Variants in USP34 observed in about 807,000 individuals in gnomAD.
USP34 encodes the protein ubiquitin specific peptidase 34.
A neutral mutation model predicts 460.3 loss-of-function variants in USP34; 70 were observed. The observed-to-expected ratio is 0.15, with a 90% CI of 0.13 to 0.19. USP34 has a LOEUF of 0.19. Among genes scored for constraint, USP34 ranks in the 10% least tolerant of loss-of-function variants. The pLI is 1.00. For missense variants in USP34, 3,985 were observed against 4,236.2 expected, an observed-to-expected ratio of 0.94 and a Z score of 1.65; for synonymous variants, 1,647 against 1,405.3, an observed-to-expected ratio of 1.17 and a Z score of -3.85.
At position 61,383,334 on chromosome 2, in the gene USP34, A is replaced by G; in HGVS notation, c.756T>C (p.Ile252=). Residue 252 remains isoleucine, a splice_region_variant and synonymous_variant, in exon 6 of 80, where the codon ATT becomes ATC. Coordinates refer to ENST00000398571, the MANE Select transcript of USP34 (RefSeq NM_014709.4). ...CAGCGGGAATATGTAGCCATATTCT[A>G]ATCTATATAAGAAACATAAAAACAA... ...AHAFITVVSN[I]RIWLHIPAVM... is the part of the protein sequence containing the mutation. 6.3e-7 allele frequency: 1 copy of G among 1,598,206 alleles called. No homozygotes were observed.
chr2:61,353,558 G>GTTTTGT (rs1055295389), intron 10 of USP34, among the ~76,000 whole-genome samples: 1 of 137,866 alleles, frequency 7.3e-6, no homozygotes, highest in South Asian at 2.4e-4. Flanking sequence ...CACCCAGCTA[G>GTTTTGT]TTTTGTTTTT....
At chr2:61,452,721 C>CA (rs562544798) in intron 1 of USP34, among the ~76,000 whole-genome samples, 22,573 of 140,542 alleles carry the variant, frequency 0.16, 1,875 homozygotes, top group African/African-American at 0.23. Context: ...CTGTCTCCAC[C>CA]AAAAAAAAAA....
chr2:61,349,163 T>C, intron 13 of USP34, 87 bp downstream of exon 13: 2 of 1,435,284 alleles, frequency 1.4e-6, no homozygotes, highest in Non-Finnish European at 1.9e-6. Flanking sequence ...CTGATACAAA[T>C]ATATTATTAT....
chr2:61,331,481 T>C (rs1382432206), intron 19 of USP34, 110 bp from the exon 20 acceptor site: 1 of 798,862 alleles, frequency 1.3e-6, no homozygotes, highest in Non-Finnish European at 1.8e-6. Flanking sequence ...ATGTAAAATT[T>C]TAGTTACGAA....
At chr2:61,266,269 A>C in intron 41 of USP34, 102 bp from the exon 42 acceptor site, 1 of 1,106,926 alleles carries the variant, frequency 9.0e-7, no homozygotes, top group Non-Finnish European at 1.3e-6. Context: ...TAAGCTACTC[A>C]AAAACGTATA....
intron 27 of USP34, among the ~76,000 whole-genome samples, chr2:61,309,538 A>T (rs779009825): frequency 6.6e-6 from 1 of 152,154 alleles, no homozygotes; most frequent in Non-Finnish European, 1.5e-5. Flanking sequence ...TATCTTCTCT[A>T]TGTTACAAAA....
At chr2:61,381,424 G>A (rs888838198) in intron 6 of USP34, among the ~76,000 whole-genome samples, 1 of 151,816 alleles carries the variant, frequency 6.6e-6, no homozygotes, top group South Asian at 2.1e-4. Context: ...CTGCAGCCTC[G>A]ACCTCCTGGG....
In USP34 at chr2:61,420,815, C is replaced by T. The variant is rs1351357712; in HGVS notation, c.62G>A (p.Gly21Asp). Residue 21 changes from glycine (G) to aspartate (D), a missense_variant, in exon 2 of 80, where the codon GGT becomes GAT. Physicochemically the swap from Gly to Asp is moderately conservative, Grantham distance 94. Around this residue, in one of 14 missense-constraint regions of USP34, gnomAD observed 331 missense variants for 293.7 expected, o/e 1.13. Coordinates refer to ENST00000398571, the MANE Select transcript of USP34 (RefSeq NM_014709.4). ...TTCCTTTCTGAGCTGCAGTCCATCA[C>T]CACCTTCTACATCTGATACTGAAAT... is the stretch of plus-strand genomic sequence containing the variant. The part of the protein sequence containing the change: ...VLNEISDVEG[G>D]DGLQLRKEHT... 2 of 1,610,116 alleles carry T rather than the reference C, an allele frequency of 1.2e-6. No individual in the cohort carries two copies. The highest frequency in any genetic ancestry group is 1.7e-5 in the Admixed American group (1 of 59,632).
chr2:61,289,431 G>C (rs888946615), intron 33 of USP34, among the ~76,000 whole-genome samples: 2 of 151,956 alleles, frequency 1.3e-5, no homozygotes, highest in African/African-American at 4.8e-5. Context: ...ATATTGTTTA[G>C]TATGTATAAA....
chr2:61,428,497 A>G (rs1694574222), intron 1 of USP34, among the ~76,000 whole-genome samples: 2 of 152,204 alleles, frequency 1.3e-5, no homozygotes, highest in African/African-American at 4.8e-5. Flanking sequence ...TAACTATGAC[A>G]TTAAGTGGCA....
chr2:61,281,890 G>T (rs546965666), intron 37 of USP34, among the ~76,000 whole-genome samples: 4 of 152,178 alleles, frequency 2.6e-5, no homozygotes, highest in Non-Finnish European at 5.9e-5. Context: ...ACTTCAATCG[G>T]AATATTCTAT....
intron 1 of USP34, among the ~76,000 whole-genome samples, chr2:61,426,210 G>A (rs543411601): frequency 6.6e-6 from 1 of 152,280 alleles, no homozygotes; most frequent in East Asian, 1.9e-4. Flanking sequence ...CTTGAGAAAA[G>A]CTGAGGGAAA....
chr2:61,360,539 AAAG>A (rs1692242927), intron 10 of USP34, among the ~76,000 whole-genome samples: 1 of 152,254 alleles, frequency 6.6e-6, no homozygotes, highest in South Asian at 2.1e-4. Context: ...GAAGGAAATT[AAAG>A]AAGAAACACA....
At chr2:61,252,857 G>C (rs893959790) in intron 48 of USP34, among the ~76,000 whole-genome samples, 1 of 152,130 alleles carries the variant, frequency 6.6e-6, no homozygotes, top group Admixed American at 6.5e-5. Context: ...TTGGAGAACA[G>C]GTGACAGAGC....
At chr2:61,337,793 C>T (rs1691468947) in intron 18 of USP34, among the ~76,000 whole-genome samples, 7 of 152,140 alleles carry the variant, frequency 4.6e-5, no homozygotes. Flanking sequence ...GCATTCTTGA[C>T]TCTGCCTTTG....
At chr2:61,362,947 T>C (rs578244640) in intron 10 of USP34, among the ~76,000 whole-genome samples, 37 of 152,222 alleles carry the variant, frequency 2.4e-4, no homozygotes, top group Non-Finnish European at 3.1e-4. Flanking sequence ...AGAGAAATTA[T>C]ATGCAAATTA....
At chr2:61,219,552 T>C (rs553005362) in intron 67 of USP34, among the ~76,000 whole-genome samples, 21 of 151,996 alleles carry the variant, frequency 1.4e-4, no homozygotes, top group Non-Finnish European at 2.1e-4. Context: ...GCACCTGTTA[T>C]CTGAGCTACT....
chr2:61,394,533 CAAAAAAAAAAAA>C (rs200686763), intron 5 of USP34, among the ~76,000 whole-genome samples: 3 of 110,062 alleles, frequency 2.7e-5, no homozygotes, highest in Non-Finnish European at 5.6e-5. Context: ...CCCTCTCTCT[CAAAAAAAAAAAA>C]AAAAAAAAAA....
chr2:61,345,102 G>A (rs893307719), intron 15 of USP34, among the ~76,000 whole-genome samples: 2 of 151,856 alleles, frequency 1.3e-5, no homozygotes, highest in African/African-American at 4.8e-5. Flanking sequence ...GTGAAACCCC[G>A]TCTCTACTAA....
Sources: allele counts gnomAD v4.1 joint callset (sites outside exome capture counted in the v4.1 genomes callset), GRCh38; gene constraint gnomAD v4.1.1; regional missense constraint gnomAD v4.1.1; transcripts MANE v1.5; gene names NCBI Gene and HGNC (gene_info 2026-07-23, HGNC 2026-07-21).